The following DNM2 variants were observed in gnomAD, a reference collection of about 807,000 sequenced individuals.
DNM2 encodes the protein dynamin 2.
Under a neutral mutation model 99.0 loss-of-function variants are expected in DNM2, and 15 were observed. That is an observed-to-expected ratio of 0.15 (90% confidence interval 0.10 to 0.23). The LOEUF (loss-of-function observed/expected upper bound fraction) is 0.23, where lower values mean the gene tolerates loss of function less well. DNM2 is among the 10% of genes least tolerant of loss of function. The probability of loss-of-function intolerance (pLI) is 1.00; values close to 1 mark genes in which losing one functional copy is unlikely to be tolerated. For synonymous variants in DNM2, 525 were observed against 481.2 expected, an observed-to-expected ratio of 1.09 and a Z score of -1.19; for missense variants, 742 against 1,189.4, an observed-to-expected ratio of 0.62 and a Z score of 5.53.
chr19:10,794,795 G>A (rs1160329401), intron 8 of DNM2, among the ~76,000 whole-genome samples: 1 of 152,072 alleles, frequency 6.6e-6, no homozygotes, highest in Non-Finnish European at 1.5e-5. Context: ...AGCTGGGTGT[G>A]GTGGTGCATA....
intron 17 of DNM2, 81 bp downstream of exon 17, chr19:10,823,980 A>G: frequency 3.7e-6 from 5 of 1,365,822 alleles, no homozygotes; most frequent in Non-Finnish European, 5.2e-6. Flanking sequence ...AGGACAGGTC[A>G]TTTTCAGGCC....
At chr19:10,771,870 A>G (rs2070992277) in intron 2 of DNM2, among the ~76,000 whole-genome samples, 1 of 152,026 alleles carries the variant, frequency 6.6e-6, no homozygotes, top group Admixed American at 6.6e-5. Flanking sequence ...GGGGATTCAT[A>G]ATATGTCATG....
chr19:10,733,719 G>A (rs111456603), intron 1 of DNM2, among the ~76,000 whole-genome samples: 7 of 151,966 alleles, frequency 4.6e-5, no homozygotes, highest in African/African-American at 1.7e-4. Context: ...AAAAATAAAT[G>A]AATGAGGCCG....
At chr19:10,825,707 T>C (rs1384584724) in intron 18 of DNM2, among the ~76,000 whole-genome samples, 2 of 148,986 alleles carry the variant, frequency 1.3e-5, no homozygotes, top group Non-Finnish European at 3.0e-5. Flanking sequence ...ATACAAAAAG[T>C]AGCCGGGCAT....
intron 1 of DNM2, among the ~76,000 whole-genome samples, chr19:10,736,851 A>G (rs1472831034): frequency 6.6e-6 from 1 of 152,066 alleles, no homozygotes; most frequent in African/African-American, 2.4e-5. Context: ...GGAGCCTGTT[A>G]AGAATATCCT....
rs1360529572 is a variant in DNM2, at chr19:10,829,171, G to A, written c.2194G>A (p.Ala732Thr). Reference protein sequence around the residue: ...MLRMYHALKEALNIIGDISTS... With the variant: ...MLRMYHALKETLNIIGDISTS... The stretch of plus-strand genomic sequence containing the variant: ...GCGCATGTACCATGCCCTCAAGGAG[G>A]CGCTCAACATCATCGGTGACATCAG... The change falls in exon 19 of 21, where the codon GCG becomes ACG. Residue 732 changes from alanine (A) to threonine (T), a missense_variant. Ala to Thr is a moderately conservative substitution (Grantham distance 58, BLOSUM62 0). Around this residue, in one of 7 missense-constraint regions of DNM2, gnomAD observed 187 missense variants for 218.8 expected, o/e 0.85. Transcript: ENST00000389253. The A allele has an allele frequency of 6.2e-7, 1 of 1,614,070 alleles. No homozygotes were observed. Among genetic ancestry groups the A allele is most frequent in the South Asian group, 1.1e-5 (1 of 91,086 alleles).
In DNM2 at chr19:10,830,558, T is replaced by C. The variant is rs941764860; in HGVS notation, c.2543+180T>C. ...GAGAGGCCAAGAGGCTTGTTCAGTG[T>C]CACAGAGTAGCGGAGCCCTGGTGAC... On this transcript the variant is annotated intron_variant, in intron 20 of 20. Transcript: ENST00000389253. This position sits in a 1 kb window ranked among gnomAD's most constrained non-coding sequence, Gnocchi z 4.8. 5.2e-6 allele frequency: 4 copies of C among 769,756 alleles called. No homozygotes were observed. The highest frequency in any genetic ancestry group is 4.1e-6 in the Non-Finnish European group (2 of 489,862). 47.7% of individuals were successfully genotyped at this position (769,756 alleles called of 1,614,324 possible). A position where few individuals can be genotyped will look rare whatever the true frequency, so the allele number is the denominator to read the frequency against.
intron 1 of DNM2, among the ~76,000 whole-genome samples, chr19:10,754,245 T>G (rs1308610877): frequency 6.6e-6 from 1 of 152,078 alleles, no homozygotes; most frequent in East Asian, 1.9e-4. Flanking sequence ...TTAGATATAG[T>G]TAATCGCTTA....
At chr19:10,802,896 G>A (rs1033020958) in intron 12 of DNM2, among the ~76,000 whole-genome samples, 13 of 152,230 alleles carry the variant, frequency 8.5e-5, no homozygotes, top group Middle Eastern at 3.2e-3. Flanking sequence ...TTCAGTGTGC[G>A]TGGTCTCAGG....
intron 1 of DNM2, among the ~76,000 whole-genome samples, chr19:10,729,096 C>T (rs910264962): frequency 2.2e-4 from 23 of 103,846 alleles, no homozygotes; most frequent in African/African-American, 7.9e-4. Context: ...ACCCGGGAGG[C>T]GGAGCTTGCA....
Position 10,812,657 on chromosome 19 carries a change from C to T in DNM2, c.1671+280C>T, listed in dbSNP as rs1250096155. On this transcript the variant is annotated intron_variant, in intron 15 of 20. Transcript: ENST00000389253. The surrounding 1 kb of genome is among the most constrained non-coding windows in gnomAD (Gnocchi z 4.0). ...CAAAAATTAGCCAGGAGTGGTGGCA[C>T]GCGCCTGTAATCCCAGCTACTCAGG... Among the ~76,000 whole-genome samples the T allele has an allele frequency of 2.6e-5, 4 of 152,104 alleles. No homozygotes were observed. The highest frequency in any genetic ancestry group is 2.1e-4 in the South Asian group (1 of 4,822).
At chr19:10,798,288 C>T (rs552082976) in intron 10 of DNM2, 198 bp from the exon 11 acceptor site, 22 of 606,000 alleles carry the variant, frequency 3.6e-5, no homozygotes, top group South Asian at 2.6e-4. Context: ...CTCCTGCTGT[C>T]TCCGGTCCAC....
rs537749583 is a variant in DNM2, at chr19:10,814,830, C to T, written c.1671+2453C>T. Among the ~76,000 whole-genome samples, 6 of 152,330 alleles carry T rather than the reference C, an allele frequency of 3.9e-5. No individual in the cohort carries two copies. In the South Asian group the frequency reaches 1.0e-3, roughly 26 times the overall value. The stretch of plus-strand genomic sequence containing the variant: ...TTCTTTTCTATGGCCCTGATCAACC[C>T]GTTTCTTGCTTAATTCTCTTGACGT... On this transcript the variant is annotated intron_variant, in intron 15 of 20. Coordinates refer to ENST00000389253, the MANE Select transcript of DNM2 (RefSeq NM_001005361.3).
At chr19:10,739,859 CTCAAAAAAAAAAAA>C (rs952422901) in intron 1 of DNM2, among the ~76,000 whole-genome samples, 2 of 109,758 alleles carry the variant, frequency 1.8e-5, no homozygotes, top group African/African-American at 7.4e-5. Flanking sequence ...CTCTCTCTCT[CTCAAAAAAAAAAAA>C]AAAAAAAAAA....
intron 5 of DNM2, 149 bp from the exon 6 acceptor site, chr19:10,782,811 C>T: frequency 1.8e-6 from 2 of 1,090,462 alleles, no homozygotes; most frequent in South Asian, 1.3e-5. Flanking sequence ...CATTCGCACC[C>T]TCTGTGTTGT....
intron 8 of DNM2, among the ~76,000 whole-genome samples, chr19:10,794,217 C>G (rs969604517): frequency 6.6e-6 from 1 of 152,108 alleles, no homozygotes; most frequent in Non-Finnish European, 1.5e-5. Context: ...TAGCACTGAG[C>G]TGATATATAC....
At chr19:10,736,530 T>G (rs1267825994) in intron 1 of DNM2, among the ~76,000 whole-genome samples, 1 of 152,190 alleles carries the variant, frequency 6.6e-6, no homozygotes, top group African/African-American at 2.4e-5. Context: ...ACATATATAT[T>G]TTAGAATCAG....
At chr19:10,769,042 C>T (rs370572039) in intron 2 of DNM2, among the ~76,000 whole-genome samples, 2 of 152,222 alleles carry the variant, frequency 1.3e-5, no homozygotes, top group East Asian at 3.9e-4. Flanking sequence ...GGGCTCCTGC[C>T]TGTGTGTGCT....
intron 1 of DNM2, among the ~76,000 whole-genome samples, chr19:10,723,029 C>T (rs554455910): frequency 5.3e-5 from 8 of 151,000 alleles, no homozygotes; most frequent in Non-Finnish European, 7.4e-5. Flanking sequence ...TGCAGTGGTG[C>T]GATCTCGGCT....
Sources: allele counts gnomAD v4.1 joint callset (sites outside exome capture counted in the v4.1 genomes callset), GRCh38; gene constraint gnomAD v4.1.1; regional missense constraint gnomAD v4.1.1; non-coding constraint Gnocchi (gnomAD v3.1); transcripts MANE v1.5; gene names NCBI Gene and HGNC (gene_info 2026-07-23, HGNC 2026-07-21).